The following CTNNA3 variants were observed in gnomAD, a reference collection of about 807,000 sequenced individuals.
CTNNA3 encodes the protein catenin alpha-3.
In CTNNA3, 76 loss-of-function variants were observed where a neutral mutation model predicts 95.7. The observed-to-expected ratio is 0.79, with a 90% confidence interval of 0.66 to 0.96. The LOEUF is 0.96. Ranked by LOEUF, CTNNA3 falls within the 40% of genes least tolerant of loss-of-function variation. The pLI is 0.00. For missense variants in CTNNA3, 1,191 were observed against 1,089.8 expected, an observed-to-expected ratio of 1.09 and a Z score of -1.31; for synonymous variants, 431 against 374.4, an observed-to-expected ratio of 1.15 and a Z score of -1.74.
chr10:67,113,585 T>G (rs1436646359), intron 7 of CTNNA3, among the ~76,000 whole-genome samples: 1 of 152,146 alleles, frequency 6.6e-6, no homozygotes, highest in Admixed American at 6.6e-5. Context: ...AGAAATGAAT[T>G]TCTCAACAAT....
chr10:66,472,035 A>G (rs1839153798), intron 11 of CTNNA3, among the ~76,000 whole-genome samples: 1 of 152,010 alleles, frequency 6.6e-6, no homozygotes, highest in African/African-American at 2.4e-5. Context: ...GCAAAACAGC[A>G]GATTGTTTTG....
chr10:66,670,478 C>T (rs4330985), intron 9 of CTNNA3, among the ~76,000 whole-genome samples: 9 of 151,780 alleles, frequency 5.9e-5, no homozygotes, highest in Non-Finnish European at 8.8e-5. Flanking sequence ...CTTGGCTCAG[C>T]GTCCCCTTCC....
intron 5 of CTNNA3, among the ~76,000 whole-genome samples, chr10:67,289,714 A>G (rs1480320963): frequency 6.6e-6 from 1 of 152,156 alleles, no homozygotes; most frequent in Non-Finnish European, 1.5e-5. Context: ...ATTGCCTGTC[A>G]TTTCTTAAGC....
chr10:66,231,985 C>T (rs1328739356), intron 13 of CTNNA3, among the ~76,000 whole-genome samples: 5 of 152,172 alleles, frequency 3.3e-5, no homozygotes, highest in African/African-American at 1.2e-4. Flanking sequence ...ACCATCTAAA[C>T]AGAAATTTAA....
chr10:66,023,810 C>T (rs544588481), intron 15 of CTNNA3, among the ~76,000 whole-genome samples: 12 of 152,218 alleles, frequency 7.9e-5, no homozygotes, highest in Non-Finnish European at 1.5e-4. Flanking sequence ...AAGTAATTTA[C>T]ACAAAAGCTG....
chr10:66,334,110 A>G (rs1025443582), intron 12 of CTNNA3, among the ~76,000 whole-genome samples: 9 of 151,618 alleles, frequency 5.9e-5, no homozygotes, highest in African/African-American at 2.2e-4. Context: ...CTTTATTTTG[A>G]GCCCATGTGT....
At chr10:66,783,157 C>G (rs1054537391) in intron 7 of CTNNA3, among the ~76,000 whole-genome samples, 2 of 152,134 alleles carry the variant, frequency 1.3e-5, no homozygotes, top group African/African-American at 4.8e-5. Context: ...CAGAGATACT[C>G]ACGCCAGAAT....
chr10:66,031,486 T>C (rs2079448340), intron 15 of CTNNA3, among the ~76,000 whole-genome samples: 1 of 152,132 alleles, frequency 6.6e-6, no homozygotes, highest in African/African-American at 2.4e-5. Context: ...CTTTCACTTA[T>C]AAGTGGGAGC....
At chr10:65,964,314 G>A (rs1253730391) in intron 17 of CTNNA3, among the ~76,000 whole-genome samples, 1 of 152,120 alleles carries the variant, frequency 6.6e-6, no homozygotes, top group Non-Finnish European at 1.5e-5. Flanking sequence ...ATGCAAAAGG[G>A]GGCATGCTCT....
At chr10:66,733,147 T>C (rs187676124) in intron 9 of CTNNA3, among the ~76,000 whole-genome samples, 2 of 152,128 alleles carry the variant, frequency 1.3e-5, no homozygotes, top group African/African-American at 4.8e-5. Flanking sequence ...AAGTAAGATA[T>C]GTTCTTTAAA....
intron 11 of CTNNA3, among the ~76,000 whole-genome samples, chr10:66,389,162 T>C (rs1041520017): frequency 6.6e-6 from 1 of 152,150 alleles, no homozygotes; most frequent in Non-Finnish European, 1.5e-5. Flanking sequence ...TCTGATGGAA[T>C]GGGTTTACTC....
chr10:66,803,387 T>C (rs10733829), intron 7 of CTNNA3, among the ~76,000 whole-genome samples: 129,727 of 152,004 alleles, frequency 0.85, 55,905 homozygotes, highest in East Asian at 1. Context: ...TCTGAGACTC[T>C]GCAGAGACCT....
chr10:66,343,159 G>C (rs994769008), intron 12 of CTNNA3, among the ~76,000 whole-genome samples: 2 of 151,846 alleles, frequency 1.3e-5, no homozygotes, highest in Non-Finnish European at 2.9e-5. Flanking sequence ...TATGGAGAAG[G>C]GTATGGAAGT....
chr10:66,562,727 A>G (rs1228131291), intron 10 of CTNNA3, among the ~76,000 whole-genome samples: 2 of 151,942 alleles, frequency 1.3e-5, no homozygotes, highest in East Asian at 3.8e-4. Flanking sequence ...GATCTCTTTT[A>G]GTTTATTGAT....
intron 11 of CTNNA3, among the ~76,000 whole-genome samples, chr10:66,485,614 T>C (rs1323026936): frequency 6.6e-6 from 1 of 152,128 alleles, no homozygotes; most frequent in Non-Finnish European, 1.5e-5. Context: ...AATGGAAATA[T>C]GTACCATGTA....
intron 5 of CTNNA3, among the ~76,000 whole-genome samples, chr10:67,249,703 T>C (rs535710558): frequency 8.7e-4 from 133 of 152,298 alleles, no homozygotes; most frequent in Non-Finnish European, 1.7e-3. Context: ...AGGTGGCAGG[T>C]GACAGAGCCT....
chr10:67,096,374 T>TA (rs1857995127), intron 7 of CTNNA3, among the ~76,000 whole-genome samples: 1 of 151,702 alleles, frequency 6.6e-6, no homozygotes, highest in African/African-American at 2.4e-5. Flanking sequence ...ATGCAGTTAA[T>TA]AAAAAAATAA....
intron 13 of CTNNA3, among the ~76,000 whole-genome samples, chr10:66,119,053 T>C (rs2082458873): frequency 6.6e-6 from 1 of 152,180 alleles, no homozygotes; most frequent in African/African-American, 2.4e-5. Context: ...CACTATTCTT[T>C]TTAAATTTAA....
intron 5 of CTNNA3, among the ~76,000 whole-genome samples, chr10:67,494,553 C>A (rs1838964971): frequency 6.6e-6 from 1 of 152,030 alleles, no homozygotes; most frequent in African/African-American, 2.4e-5. Context: ...TCCTGAGGAG[C>A]TTTTTAAATT....
Sources: gnomAD v4.1 joint callset for allele counts (sites outside exome capture counted in the v4.1 genomes callset) on GRCh38, gnomAD v4.1.1 for gene constraint, MANE v1.5 for transcripts, NCBI Gene and HGNC (gene_info 2026-07-23, HGNC 2026-07-21) for gene names.